NIBAN2: variants seen among roughly 807,000 people sequenced by gnomAD.
The protein encoded by NIBAN2 is niban apoptosis regulator 2.
A neutral mutation model predicts 81.8 loss-of-function variants in NIBAN2; 36 were observed. The ratio of observed to expected loss-of-function variants is 0.44; its 90% CI spans 0.34 to 0.58. NIBAN2 has a LOEUF of 0.58. Among genes scored for constraint, NIBAN2 ranks in the 20% least tolerant of loss-of-function variants. NIBAN2 has a pLI of 0.02. For synonymous variants in NIBAN2, 445 were observed against 441.6 expected, an observed-to-expected ratio of 1.01 and a Z score of -0.10; for missense variants, 897 against 1,014.1, an observed-to-expected ratio of 0.88 and a Z score of 1.57.
At chr9:127,576,327 C>T (rs1427900783) in intron 1 of NIBAN2, among the ~76,000 whole-genome samples, 1 of 152,008 alleles carries the variant, frequency 6.6e-6, no homozygotes, top group Non-Finnish European at 1.5e-5. Context: ...CTGTGCAGAG[C>T]TTCTGCTTGT....
chr9:127,514,747 A>C (rs1299132875), intron 8 of NIBAN2, among the ~76,000 whole-genome samples: 1 of 152,198 alleles, frequency 6.6e-6, no homozygotes, highest in Non-Finnish European at 1.5e-5. Flanking sequence ...TTTTCACTCA[A>C]GAATATTTAG....
intron 1 of NIBAN2, among the ~76,000 whole-genome samples, chr9:127,556,142 C>T (rs1008938469): frequency 6.6e-6 from 1 of 152,222 alleles, no homozygotes. Flanking sequence ...CTACCCGCCT[C>T]ACCCTCGGGG....
chr9:127,507,280 G>A lies in NIBAN2; in HGVS notation c.1806C>T (p.Pro602=). ...TGGCTGACTCCGGGGTGCTGGGGCT[G>A]GGGCTGCCGCCCCCGCCGCTGTTGC... ...EYSNSGGGGS[P]SPSTPESATL... The change falls in exon 14 of 14, where the codon CCC becomes CCT. Residue 602 remains proline (P), a synonymous_variant. Transcript: ENST00000373312. The surrounding 1 kb of genome is among the most constrained non-coding windows in gnomAD (Gnocchi z 6.8). The A allele has an allele frequency of 6.3e-7, 1 of 1,595,160 alleles. No individual in the cohort carries two copies. The highest frequency in any genetic ancestry group is 8.6e-7 in the Non-Finnish European group (1 of 1,167,834).
rs76451160 is a variant in NIBAN2, at chr9:127,511,980, C to T, written c.974-1647G>A. Among the ~76,000 whole-genome samples, 473 of 152,304 alleles carry T rather than the reference C, an allele frequency of 3.1e-3. 6 individuals are homozygous for T. Among genetic ancestry groups the T allele is most frequent in the African/African-American group, 0.01 (434 of 41,542 alleles). ...GAGGATGTGGAGAAAAGGGAACCTC[C>T]GTACACTGCTGGTGGTGTGAAAGGA... On this transcript the variant is annotated intron_variant, in intron 8 of 13. Coordinates refer to ENST00000373312, the MANE Select transcript of NIBAN2 (RefSeq NM_022833.4).
At chr9:127,511,004 A>G (rs1016275715) in intron 8 of NIBAN2, among the ~76,000 whole-genome samples, 4 of 151,826 alleles carry the variant, frequency 2.6e-5, no homozygotes, top group African/African-American at 9.7e-5. Context: ...CCAAAAAGTA[A>G]TTTTTCAGCC....
chr9:127,550,016 T>G (rs892200092), intron 1 of NIBAN2, among the ~76,000 whole-genome samples: 23 of 152,308 alleles, frequency 1.5e-4, no homozygotes, highest in African/African-American at 5.5e-4. Context: ...GGTCTTGGTC[T>G]GCTTCCCCGG....
chr9:127,523,189 AAAAATATATATATATATATATATATATAT>A (rs1836983019), intron 5 of NIBAN2, among the ~76,000 whole-genome samples: 1 of 23,156 alleles, frequency 4.3e-5, no homozygotes, highest in Non-Finnish European at 7.5e-5. Flanking sequence ...AAAAAAAAAA[AAAAATATATATATATATATATATATATAT>A]ATATATATAT....
chr9:127,559,302 C>T lies in NIBAN2; in HGVS notation c.55+9518G>A, dbSNP rs571587406. On this transcript the variant is annotated intron_variant, in intron 1 of 13. Transcript: ENST00000373312. The surrounding 1 kb of genome is among the most constrained non-coding windows in gnomAD (Gnocchi z 4.0). ...GGCCTCCTGCAATGTGGAGGTGCTG[C>T]ACCTGCTCTGTGCCTTCAGTGCAGC... Among the ~76,000 whole-genome samples, 50 of 152,348 alleles carry T rather than the reference C, an allele frequency of 3.3e-4. No homozygotes were observed. The highest frequency in any genetic ancestry group is 1.1e-3 in the African/African-American group (46 of 41,590).
chr9:127,576,966 C>T (rs1838017411), intron 1 of NIBAN2, among the ~76,000 whole-genome samples: 1 of 151,604 alleles, frequency 6.6e-6, no homozygotes, highest in Admixed American at 6.6e-5. Context: ...GCTGGGATTA[C>T]AGGTGTAAGG....
chr9:127,567,310 G>T (rs762053876), intron 1 of NIBAN2, among the ~76,000 whole-genome samples: 3 of 152,206 alleles, frequency 2.0e-5, no homozygotes, highest in Non-Finnish European at 4.4e-5. Flanking sequence ...AGCTTGCTGC[G>T]ACAGGGAGGG....
At chr9:127,565,378 T>C (rs148494402) in intron 1 of NIBAN2, among the ~76,000 whole-genome samples, 1,609 of 152,326 alleles carry the variant, frequency 0.011, 20 homozygotes, top group African/African-American at 0.037. Flanking sequence ...TCCGGGCTGA[T>C]GAAAATGCTC....
At position 127,525,176 on chromosome 9, in the gene NIBAN2, A is replaced by AG; in HGVS notation, c.316-14dup. The AG allele has an allele frequency of 6.2e-7, 1 of 1,606,910 alleles. No individual in the cohort carries two copies. The highest frequency in any genetic ancestry group is 8.5e-7 in the Non-Finnish European group (1 of 1,173,594). ...GCCGCTCATAGGCCTGAGGGAGGCA[A>AG]GAGAGAGGGTCCCTGAGGGTTAAGG... is the stretch of plus-strand genomic sequence containing the variant. On this transcript the variant is annotated splice_polypyrimidine_tract_variant and intron_variant, in intron 3 of 13. Transcript: ENST00000373312.
rs1837317089 is a variant in NIBAN2 at position 127,538,369 on chromosome 9, T to G, written c.56-6591A>C. Reference sequence around the variant, plus strand: ...ACAGCCTGTTTAATCCTAACAGGTATTAGTATCCCATCTGACAGATAAGAA... The same window carrying G: ...ACAGCCTGTTTAATCCTAACAGGTAGTAGTATCCCATCTGACAGATAAGAA... On this transcript the variant is annotated intron_variant, in intron 1 of 13. Transcript: ENST00000373312. 2.6e-5 allele frequency among the ~76,000 whole-genome samples: 4 copies of G among 152,018 alleles called. No individual in the cohort carries two copies. The South Asian group carries it at 8.3e-4, about 32-fold the overall frequency.
rs771469290 is a variant in NIBAN2 at position 127,531,703 on chromosome 9, A to G, written c.131T>C (p.Met44Thr). The G allele has an allele frequency of 1.9e-6, 3 of 1,614,154 alleles. No individual in the cohort carries two copies. Among genetic ancestry groups the G allele is most frequent in the Middle Eastern group, 1.6e-4 (1 of 6,062 alleles). Residue 44 changes from methionine (M) to threonine (T), a missense_variant, in exon 2 of 14, where the codon ATG (methionine) becomes ACG (threonine). Physicochemically the swap from Met to Thr is moderately conservative, Grantham distance 81. This residue lies in a region of NIBAN2 where 209 missense variants were observed against 208.4 expected (regional missense o/e 1.00). Transcript: ENST00000373312. ...DQYGVALFNS[M>T]RHEIEGTGLP... ...CCCCGTGCCCTCAATCTCATGGCGC[A>G]TGCTGTTGAAGAGAGCCACGCCATA...
At chr9:127,553,505 A>G (rs962661724) in intron 1 of NIBAN2, among the ~76,000 whole-genome samples, 5 of 152,234 alleles carry the variant, frequency 3.3e-5, no homozygotes, top group Admixed American at 6.5e-5. Flanking sequence ...CATGAAGCTC[A>G]CAACAACCCT....
chr9:127,541,714 C>G (rs1837382777), intron 1 of NIBAN2, among the ~76,000 whole-genome samples: 2 of 152,166 alleles, frequency 1.3e-5, no homozygotes, highest in South Asian at 4.1e-4. Context: ...AGGAGGAGGA[C>G]AGCTGAGTGT....
At chr9:127,537,184 G>A (rs997758707) in intron 1 of NIBAN2, among the ~76,000 whole-genome samples, 1 of 152,132 alleles carries the variant, frequency 6.6e-6, no homozygotes, top group African/African-American at 2.4e-5. Flanking sequence ...CAGAGTCCCC[G>A]CCCTGCCATA....
chr9:127,527,480 G>A (rs929106271), intron 2 of NIBAN2, among the ~76,000 whole-genome samples, 158 bp from the exon 3 acceptor site: 4 of 152,184 alleles, frequency 2.6e-5, no homozygotes, highest in South Asian at 2.1e-4. Flanking sequence ...CTCTGAGGCC[G>A]GGCTGCATCT....
chr9:127,567,801 CAT>C (rs1300068695), intron 1 of NIBAN2, among the ~76,000 whole-genome samples: 11 of 152,220 alleles, frequency 7.2e-5, no homozygotes, highest in Admixed American at 7.2e-4. Flanking sequence ...AAGCAAGCCA[CAT>C]GAGTTACTTC....
Sources: allele counts gnomAD v4.1 joint callset (sites outside exome capture counted in the v4.1 genomes callset), GRCh38; gene constraint gnomAD v4.1.1; regional missense constraint gnomAD v4.1.1; non-coding constraint Gnocchi (gnomAD v3.1); transcripts MANE v1.5; gene names NCBI Gene and HGNC (gene_info 2026-07-23, HGNC 2026-07-21).